The following CNBD2 variants were observed in gnomAD, a reference collection of about 807,000 sequenced individuals.
CNBD2 encodes cyclic nucleotide binding domain containing 2.
Under a neutral mutation model 63.7 loss-of-function variants are expected in CNBD2, and 64 were observed. That is an observed-to-expected ratio of 1.00 (90% CI 0.82 to 1.24). CNBD2 has a LOEUF of 1.24. CNBD2 is among the 50% of genes most tolerant of loss of function. The pLI is 0.00. For synonymous variants in CNBD2, 229 were observed against 255.4 expected (o/e 0.90, Z 0.99); for missense variants, 691 against 713.5 (o/e 0.97, Z 0.36).
chr20:35,968,401 A>G (rs1300922812), upstream of CNBD2, among the ~76,000 whole-genome samples: 1 of 151,116 alleles, frequency 6.6e-6, no homozygotes, highest in African/African-American at 2.4e-5. Flanking sequence ...TCTGGCAGCC[A>G]TTTAGCTACT....
chr20:36,020,058 T>C (rs2057186583), intron 10 of CNBD2, among the ~76,000 whole-genome samples: 1 of 152,152 alleles, frequency 6.6e-6, no homozygotes, highest in Admixed American at 6.6e-5. Flanking sequence ...TCCTGATGTG[T>C]GATGTTAGAC....
intron 8 of CNBD2, among the ~76,000 whole-genome samples, chr20:36,003,201 A>G (rs895835532): frequency 9.9e-5 from 15 of 152,214 alleles, no homozygotes; most frequent in African/African-American, 3.4e-4. Flanking sequence ...GAATATAATT[A>G]TAATAGCTCT....
intron 6 of CNBD2, 98 bp downstream of exon 6, chr20:35,984,876 G>A (rs2056647710): frequency 1.6e-6 from 2 of 1,264,884 alleles, no homozygotes; most frequent in Non-Finnish European, 2.3e-6. Flanking sequence ...ACTGGTTGCT[G>A]TTCTCTCTGT....
At chr20:35,954,426 G>A (rs1205449628), upstream of CNBD2, 13 of 1,550,690 alleles carry the variant, frequency 8.4e-6, no homozygotes, top group Admixed American at 2.5e-4. Context: ...CTCGGGACCG[G>A]CCGAGAGTGT....
At chr20:35,971,880 C>CAGG (rs2056424294) in intron 1 of CNBD2, among the ~76,000 whole-genome samples, 2 of 152,040 alleles carry the variant, frequency 1.3e-5, no homozygotes, top group South Asian at 2.1e-4. Context: ...TTTATAGATT[C>CAGG]TTCTACATCC....
At chr20:35,978,546 G>A (rs955114802) in intron 3 of CNBD2, among the ~76,000 whole-genome samples, 6 of 152,072 alleles carry the variant, frequency 3.9e-5, no homozygotes, top group Admixed American at 6.6e-5. Flanking sequence ...GGGTTTCACC[G>A]TGTTAGCCAG....
chr20:35,955,962 C>A (rs1323688021), downstream of CNBD2, among the ~76,000 whole-genome samples: 1 of 152,106 alleles, frequency 6.6e-6, no homozygotes, highest in African/African-American at 2.4e-5. Context: ...CTCAGGTGAT[C>A]CACTCTCCTC....
At chr20:36,007,448 T>C (rs2057000803) in intron 8 of CNBD2, among the ~76,000 whole-genome samples, 1 of 152,086 alleles carries the variant, frequency 6.6e-6, no homozygotes, top group Non-Finnish European at 1.5e-5. Context: ...TGCAACTGGC[T>C]CTTGGTGATC....
At chr20:35,997,238 C>T (rs761211655) in intron 8 of CNBD2, among the ~76,000 whole-genome samples, 6 of 152,176 alleles carry the variant, frequency 3.9e-5, no homozygotes, top group Non-Finnish European at 5.9e-5. Flanking sequence ...TACTGGCATG[C>T]TTCCCCCCAC....
rs373113225 is a variant in CNBD2, at chr20:35,980,613, G to A, written c.398G>A (p.Arg133His). Residue 133 changes from arginine to histidine, a missense_variant, in exon 4 of 12, where the codon CGC becomes CAC. By Grantham distance (29) the Arg-to-His change is conservative (BLOSUM62 0). Coordinates refer to ENST00000373973, the MANE Select transcript of CNBD2 (RefSeq NM_001365709.1). ...CAGCTGCTCCTGGCCAAAGTCATGCGCTTTGAACGGTCAGTGAGGGGCACA... is the reference window on the plus strand; with the variant it reads ...CAGCTGCTCCTGGCCAAAGTCATGCACTTTGAACGGTCAGTGAGGGGCACA... ...PLQLLLAKVM[R>H]FERFGRRRVI... 32 of 1,613,228 alleles carry A rather than the reference G, an allele frequency of 2.0e-5. No homozygotes were observed. The African/African-American group carries it at 2.8e-4, about 14-fold the overall frequency.
chr20:35,975,334 T>C (rs1314245143), intron 2 of CNBD2, among the ~76,000 whole-genome samples: 2 of 113,836 alleles, frequency 1.8e-5, no homozygotes, highest in Admixed American at 9.0e-5. Context: ...GGAGTCTTGC[T>C]CTGTTGCCCA....
At position 36,030,424 on chromosome 20, in the gene CNBD2, C is replaced by G. The variant is rs779194392; in HGVS notation, c.1507C>G (p.Gln503Glu). 6.2e-7 allele frequency: 1 copy of G among 1,614,016 alleles called. No homozygotes were observed. Residue 503 changes from glutamine to glutamate, a missense_variant, in exon 12 of 12, where the codon CAG (glutamine) becomes GAG (glutamate). Gln to Glu is a conservative substitution (Grantham distance 29, BLOSUM62 2). Coordinates refer to ENST00000373973, the MANE Select transcript of CNBD2 (RefSeq NM_001365709.1). ...SWNIFRKDLLQLLVEPCQSQL... is the reference protein window; with the variant it reads ...SWNIFRKDLLELLVEPCQSQL... ...GAATATCTTTCGGAAGGACCTGTTG[C>G]AGCTGCTCGTGGAGCCTTGCCAAAG...
rs765810091 is a variant in CNBD2 at position 36,030,500 on chromosome 20, A to C, written c.1583A>C (p.Lys528Thr). Reference protein sequence around the residue: ...RPKKREIYNPKSVVLDLCSIN... With the variant: ...RPKKREIYNPTSVVLDLCSIN... ...AAGAAGAGAGAGATCTACAACCCTA[A>C]GTCTGTGGTCCTGGATTTGTGCAGC... The change falls in exon 12 of 12, where the codon AAG becomes ACG. Residue 528 changes from lysine to threonine, a missense_variant. By Grantham distance (78) the Lys-to-Thr change is moderately conservative. Transcript: ENST00000373973. 5 of 1,614,140 alleles carry C rather than the reference A, an allele frequency of 3.1e-6. No individual in the cohort carries two copies. Among genetic ancestry groups the C allele is most frequent in the Non-Finnish European group, 3.4e-6 (4 of 1,180,018 alleles).
At chr20:35,958,751 A>G (rs1040497618), downstream of CNBD2, 3 of 152,160 alleles carry the variant, frequency 2.0e-5, no homozygotes, top group African/African-American at 4.8e-5. Context: ...CCCTCGTGCT[A>G]TCTCTTTATA....
chr20:36,014,182 CAA>C (rs1398212585), intron 10 of CNBD2, among the ~76,000 whole-genome samples: 17 of 94,796 alleles, frequency 1.8e-4, no homozygotes, highest in African/African-American at 1.5e-4. Flanking sequence ...GACTCCATCT[CAA>C]AAAAAAAAAA....
chr20:35,968,687 A>AT lies in CNBD2; in HGVS notation c.-71dup. 8.4e-7 allele frequency: 1 copy of AT among 1,184,308 alleles called. No individual in the cohort carries two copies. Among genetic ancestry groups the AT allele is most frequent in the Non-Finnish European group, 1.2e-6 (1 of 813,784 alleles). The allele number at this position is 1,184,308 out of a possible 1,614,324, so 73.4% of individuals were successfully genotyped here. ...ATCTATTTGTTTCTAGTATTACTGGATTTTTGGGGAAAAATTTGTAGTCCT... is the reference window on the plus strand; with the variant it reads ...ATCTATTTGTTTCTAGTATTACTGGATTTTTTGGGGAAAAATTTGTAGTCCT... On this transcript the variant is annotated 5_prime_UTR_variant, in exon 1 of 12. The change creates a premature stop within an existing upstream ORF in the 5' untranslated region. Transcript: ENST00000373973.
intron 4 of CNBD2, among the ~76,000 whole-genome samples, chr20:35,981,485 G>T (rs2056598959): frequency 6.6e-6 from 1 of 152,046 alleles, no homozygotes; most frequent in African/African-American, 2.4e-5. Flanking sequence ...AACCAGGCTG[G>T]AGTGCAGTGG....
downstream of CNBD2, among the ~76,000 whole-genome samples, chr20:35,956,455 C>G (rs2056257910): frequency 6.6e-6 from 1 of 152,204 alleles, no homozygotes; most frequent in Non-Finnish European, 1.5e-5. Flanking sequence ...AGACAAGATA[C>G]TCTGTCCCAT....
At chr20:36,024,419 A>T (rs1263716542) in intron 11 of CNBD2, among the ~76,000 whole-genome samples, 1 of 151,968 alleles carries the variant, frequency 6.6e-6, no homozygotes, top group African/African-American at 2.4e-5. Flanking sequence ...ACCTGAGGTC[A>T]GGAGTTTGAG....
Sources: gnomAD v4.1 joint callset for allele counts (sites outside exome capture counted in the v4.1 genomes callset) on GRCh38, gnomAD v4.1.1 for gene constraint, MANE v1.5 for transcripts, NCBI Gene and HGNC (gene_info 2026-07-23, HGNC 2026-07-21) for gene names.